Variants in SLC39A12 observed in about 807,000 individuals in gnomAD.
SLC39A12 encodes the protein zinc transporter ZIP12.
Under a neutral mutation model 71.1 loss-of-function variants are expected in SLC39A12, and 63 were observed. The ratio of observed to expected loss-of-function variants is 0.89; its 90% confidence interval spans 0.72 to 1.09. The LOEUF (loss-of-function observed/expected upper bound fraction) is 1.09, where lower values mean the gene tolerates loss of function less well. Among genes scored for constraint, SLC39A12 ranks in the 50% least tolerant of loss-of-function variants. SLC39A12 has a pLI of 0.00. For synonymous variants in SLC39A12, 351 were observed against 301.3 expected (o/e 1.16, Z -1.71); for missense variants, 892 against 812.6 (o/e 1.10, Z -1.19).
At chr10:17,964,152 C>G (rs1834763211) in intron 3 of SLC39A12, among the ~76,000 whole-genome samples, 1 of 152,202 alleles carries the variant, frequency 6.6e-6, no homozygotes, top group African/African-American at 2.4e-5. Flanking sequence ...CCTTTATCCT[C>G]TATGGTGTTT....
At chr10:18,036,391 G>T (rs545462960) in intron 12 of SLC39A12, among the ~76,000 whole-genome samples, 1 of 151,998 alleles carries the variant, frequency 6.6e-6, no homozygotes, top group Non-Finnish European at 1.5e-5. Context: ...CGCAGTATTC[G>T]GGTGGGAGTG....
At chr10:17,959,087 A>G (rs1294623488) in intron 2 of SLC39A12, among the ~76,000 whole-genome samples, 3 of 152,220 alleles carry the variant, frequency 2.0e-5, no homozygotes, top group Admixed American at 6.5e-5. Context: ...GCTATTTTGT[A>G]CAAAGAACCT....
At chr10:17,960,038 G>A (rs993597544) in intron 2 of SLC39A12, among the ~76,000 whole-genome samples, 7 of 152,106 alleles carry the variant, frequency 4.6e-5, no homozygotes, top group Non-Finnish European at 1.0e-4. Context: ...TAGACCCAGG[G>A]GTTTATATAC....
chr10:17,964,191 C>T (rs755008235), intron 3 of SLC39A12, among the ~76,000 whole-genome samples: 11 of 152,188 alleles, frequency 7.2e-5, no homozygotes, highest in Admixed American at 2.6e-4. Context: ...ACAGCCTGCA[C>T]GAAACACTCA....
chr10:18,021,087 G>A (rs1836520929), intron 12 of SLC39A12, among the ~76,000 whole-genome samples: 1 of 152,002 alleles, frequency 6.6e-6, no homozygotes, highest in Admixed American at 6.6e-5. Context: ...TTCTTCTGGA[G>A]TTTTTGTAAT....
At chr10:17,957,454 C>T (rs1834579750) in intron 2 of SLC39A12, among the ~76,000 whole-genome samples, 1 of 152,084 alleles carries the variant, frequency 6.6e-6, no homozygotes, top group Admixed American at 6.6e-5. Context: ...CCCCCCGCCC[C>T]AAACCTTTTT....
chr10:17,997,232 A>G (rs993783596), intron 10 of SLC39A12, among the ~76,000 whole-genome samples: 7 of 152,140 alleles, frequency 4.6e-5, no homozygotes, highest in African/African-American at 1.7e-4. Context: ...TGCAGAATAA[A>G]ATAAGCATGG....
chr10:17,994,555 G>A (rs968932467), intron 9 of SLC39A12, among the ~76,000 whole-genome samples: 1 of 152,088 alleles, frequency 6.6e-6, no homozygotes, highest in Non-Finnish European at 1.5e-5. Flanking sequence ...TCTGAATTCT[G>A]TATTTTCACA....
intron 7 of SLC39A12, among the ~76,000 whole-genome samples, chr10:17,988,298 A>C (rs892992574): frequency 1.3e-5 from 2 of 152,084 alleles, no homozygotes; most frequent in African/African-American, 4.8e-5. Context: ...ACAGAGCGAG[A>C]CTCTGTCTCA....
chr10:17,973,372 T>A (rs1032344343), intron 4 of SLC39A12, among the ~76,000 whole-genome samples: 12 of 152,170 alleles, frequency 7.9e-5, no homozygotes, highest in Non-Finnish European at 2.9e-5. Flanking sequence ...CTAACATCTA[T>A]TTCTTTCTGA....
intron 4 of SLC39A12, among the ~76,000 whole-genome samples, chr10:17,970,867 C>A (rs888722893): frequency 6.6e-6 from 1 of 152,030 alleles, no homozygotes; most frequent in Non-Finnish European, 1.5e-5. Context: ...AATGGGCATC[C>A]TTGTCATGTT....
chr10:18,036,190 A>C (rs558135513), intron 12 of SLC39A12, among the ~76,000 whole-genome samples: 6 of 152,326 alleles, frequency 3.9e-5, no homozygotes, highest in Non-Finnish European at 8.8e-5. Context: ...TTCCAGCTTC[A>C]GGGCTGCTTT....
intron 12 of SLC39A12, among the ~76,000 whole-genome samples, chr10:18,036,784 ATATATATATAT>A (rs1837054297): frequency 3.9e-4 from 3 of 7,682 alleles, no homozygotes; most frequent in African/African-American, 1.1e-3. Context: ...ATATATATAT[ATATATATATAT>A]TTTTTTTTTT....
At chr10:18,017,920 A>G (rs1487045605) in intron 12 of SLC39A12, among the ~76,000 whole-genome samples, 2 of 152,222 alleles carry the variant, frequency 1.3e-5, no homozygotes, top group Non-Finnish European at 2.9e-5. Flanking sequence ...TACCCATTAA[A>G]TAACTTGCTG....
chr10:17,999,794 C>T lies in SLC39A12; in HGVS notation c.1601-873C>T, dbSNP rs118014492. On this transcript the variant is annotated intron_variant, in intron 10 of 12. Transcript: ENST00000377369. ...TAACTTTGGGGCCAGAAACGTTGGT[C>T]GTGGTTCCGTTGAAGTCACAATGGG... 4.5e-4 allele frequency among the ~76,000 whole-genome samples: 69 copies of T among 152,254 alleles called. 1 individual carries two copies. The East Asian group carries it at 0.012, about 26-fold the overall frequency.
intron 2 of SLC39A12, among the ~76,000 whole-genome samples, chr10:17,954,427 T>C (rs782142355): frequency 1.4e-4 from 22 of 152,086 alleles, no homozygotes; most frequent in Non-Finnish European, 2.6e-4. Context: ...CTAATTTTTT[T>C]GTATCTTTAG....
chr10:17,957,318 C>T (rs1338407923), intron 2 of SLC39A12, among the ~76,000 whole-genome samples: 2 of 152,128 alleles, frequency 1.3e-5, no homozygotes, highest in African/African-American at 4.8e-5. Context: ...TGGACAATTA[C>T]TACCAAGTGT....
At chr10:17,996,722 G>C in intron 10 of SLC39A12, among the ~76,000 whole-genome samples, 1 of 152,092 alleles carries the variant, frequency 6.6e-6, no homozygotes, top group East Asian at 1.9e-4. Flanking sequence ...GCACCGGCGG[G>C]CGCGGTGGCT....
At chr10:18,000,627 G>A (rs376013008) in intron 10 of SLC39A12, 40 bp from the exon 11 acceptor site, 1 of 1,602,986 alleles carries the variant, frequency 6.2e-7, no homozygotes, top group East Asian at 2.2e-5. Flanking sequence ...AATATGTAGT[G>A]CTCTGTTAAT....
Sources: allele counts gnomAD v4.1 joint callset (sites outside exome capture counted in the v4.1 genomes callset), GRCh38; gene constraint gnomAD v4.1.1; transcripts MANE v1.5; gene names NCBI Gene and HGNC (gene_info 2026-07-23, HGNC 2026-07-21).